TBC1D5: variants seen among roughly 807,000 people sequenced by gnomAD.
The protein encoded by TBC1D5 is TBC1 domain family member 5, also known as TBC1 domain family, member 5.
In TBC1D5, 75 loss-of-function variants were observed where a neutral mutation model predicts 100.3. The ratio of observed to expected loss-of-function variants is 0.75; its 90% CI spans 0.62 to 0.91. The LOEUF is 0.91. Ranked by LOEUF, TBC1D5 falls within the 40% of genes least tolerant of loss-of-function variation. The pLI, the probability that TBC1D5 is intolerant of heterozygous loss-of-function variation, is 0.00. For missense variants in TBC1D5, 910 were observed against 942.4 expected (o/e 0.97, Z 0.45); for synonymous variants, 323 against 325.6 (o/e 0.99, Z 0.09).
chr3:17,226,093 T>G (rs1227083652), intron 17 of TBC1D5, among the ~76,000 whole-genome samples: 1 of 150,126 alleles, frequency 6.7e-6, no homozygotes, highest in East Asian at 2.0e-4. Flanking sequence ...GTACCTGGAG[T>G]AGTCTTGTCT....
At chr3:17,271,928 AT>A (rs2079469193) in intron 15 of TBC1D5, among the ~76,000 whole-genome samples, 1 of 152,292 alleles carries the variant, frequency 6.6e-6, no homozygotes, top group Admixed American at 6.5e-5. Flanking sequence ...CAACCCAGTC[AT>A]TAGACTTTCC....
chr3:17,344,898 C>T (rs1295438394), intron 13 of TBC1D5, among the ~76,000 whole-genome samples: 4 of 152,140 alleles, frequency 2.6e-5, no homozygotes, highest in East Asian at 1.9e-4. Flanking sequence ...CTTCCTTACA[C>T]CTTATACAAA....
At chr3:17,380,799 A>G (rs572281864) in intron 9 of TBC1D5, among the ~76,000 whole-genome samples, 46 of 152,218 alleles carry the variant, frequency 3.0e-4, no homozygotes, top group African/African-American at 1.1e-3. Context: ...GTCAAAGTTC[A>G]TTAATACCAT....
At chr3:17,358,860 G>C (rs906964693) in intron 13 of TBC1D5, among the ~76,000 whole-genome samples, 1 of 151,192 alleles carries the variant, frequency 6.6e-6, no homozygotes, top group Non-Finnish European at 1.5e-5. Context: ...ATGGTACACT[G>C]GTATAAAAAA....
chr3:17,553,876 A>G (rs1288811004), intron 2 of TBC1D5, among the ~76,000 whole-genome samples: 1 of 152,232 alleles, frequency 6.6e-6, no homozygotes, highest in African/African-American at 2.4e-5. Flanking sequence ...CAGAAGGTAA[A>G]TGTTGACAAC....
At chr3:17,720,143 C>T (rs1442569089) in intron 1 of TBC1D5, among the ~76,000 whole-genome samples, 1 of 152,154 alleles carries the variant, frequency 6.6e-6, no homozygotes, top group Non-Finnish European at 1.5e-5. Context: ...AGCCGTGTCG[C>T]TCTTTTTACC....
chr3:17,374,373 A>G, intron 12 of TBC1D5, 98 bp downstream of exon 12: 1 of 1,141,810 alleles, frequency 8.8e-7, no homozygotes. Flanking sequence ...TTACAGCAAT[A>G]ATAAAGGCTA....
chr3:17,635,106 G>A (rs1166072342), intron 1 of TBC1D5, among the ~76,000 whole-genome samples: 1 of 152,144 alleles, frequency 6.6e-6, no homozygotes, highest in African/African-American at 2.4e-5. Flanking sequence ...TGTAAGTCAA[G>A]GATGACTCCA....
At chr3:17,408,288 CA>C (rs2093827945) in intron 4 of TBC1D5, among the ~76,000 whole-genome samples, 1 of 150,820 alleles carries the variant, frequency 6.6e-6, no homozygotes, top group Non-Finnish European at 1.5e-5. Context: ...CACACACACA[CA>C]CACACACACA....
At chr3:17,595,966 C>G (rs181570713) in intron 2 of TBC1D5, among the ~76,000 whole-genome samples, 2 of 152,260 alleles carry the variant, frequency 1.3e-5, no homozygotes, top group Admixed American at 1.3e-4. Flanking sequence ...TCACATGTTC[C>G]TCTACCATAG....
intron 1 of TBC1D5, among the ~76,000 whole-genome samples, chr3:17,736,956 T>C (rs2077007068): frequency 6.6e-6 from 1 of 151,774 alleles, no homozygotes; most frequent in South Asian, 2.1e-4. Context: ...GAGGTTGCAG[T>C]GAGTAGAGAT....
chr3:17,486,184 G>C (rs2150419594), intron 3 of TBC1D5, among the ~76,000 whole-genome samples: 1 of 152,002 alleles, frequency 6.6e-6, no homozygotes, highest in African/African-American at 2.4e-5. Context: ...CTTTTTGATG[G>C]GGTTGTTTTT....
At chr3:17,193,218 G>C (rs550494462) in intron 18 of TBC1D5, among the ~76,000 whole-genome samples, 3 of 152,216 alleles carry the variant, frequency 2.0e-5, no homozygotes, top group Admixed American at 1.3e-4. Context: ...CTAATAGATA[G>C]TGATCATTCA....
intron 3 of TBC1D5, among the ~76,000 whole-genome samples, chr3:17,435,459 A>T (rs1206843461): frequency 3.3e-5 from 5 of 152,306 alleles, no homozygotes; most frequent in African/African-American, 1.2e-4. Context: ...GGAAGCAAAT[A>T]TGTCCTTCTT....
chr3:17,275,269 T>C (rs1293229929), intron 15 of TBC1D5, among the ~76,000 whole-genome samples: 1 of 152,124 alleles, frequency 6.6e-6, no homozygotes, highest in Non-Finnish European at 1.5e-5. Context: ...GGGCTGGGTA[T>C]GGTGGTTTAT....
chr3:17,324,574 G>A (rs2085848537), intron 13 of TBC1D5, among the ~76,000 whole-genome samples: 1 of 152,076 alleles, frequency 6.6e-6, no homozygotes, highest in Non-Finnish European at 1.5e-5. Context: ...AACCCAGGAG[G>A]CAGAGGTTGC....
chr3:17,166,375 C>T (rs756154964), intron 21 of TBC1D5, among the ~76,000 whole-genome samples: 7 of 152,154 alleles, frequency 4.6e-5, no homozygotes, highest in African/African-American at 1.2e-4. Context: ...GAAATCCACT[C>T]GAGACAGCAT....
intron 3 of TBC1D5, among the ~76,000 whole-genome samples, chr3:17,454,393 A>C (rs145611909): frequency 3.3e-5 from 5 of 152,340 alleles, no homozygotes; most frequent in East Asian, 3.9e-4. Flanking sequence ...ACAAAAAAAA[A>C]CTAGTAGAAC....
At chr3:17,175,676 A>G (rs560349275) in intron 19 of TBC1D5, among the ~76,000 whole-genome samples, 1 of 152,334 alleles carries the variant, frequency 6.6e-6, no homozygotes, top group South Asian at 2.1e-4. Context: ...AAGAGATAGG[A>G]CAGCAGTTTG....
Sources: allele counts gnomAD v4.1 joint callset (sites outside exome capture counted in the v4.1 genomes callset), GRCh38; gene constraint gnomAD v4.1.1; transcripts MANE v1.5; gene names NCBI Gene and HGNC (gene_info 2026-07-23, HGNC 2026-07-21).